GPATCH8: variants seen among roughly 807,000 people sequenced by gnomAD.
The protein encoded by GPATCH8 is G patch domain-containing protein 8.
In GPATCH8, 18 loss-of-function variants were observed where a neutral mutation model predicts 118.3. That is an observed-to-expected ratio of 0.15 (90% confidence interval 0.11 to 0.23). The LOEUF is 0.23. GPATCH8 is among the 10% of genes least tolerant of loss of function. The pLI, the probability that GPATCH8 is intolerant of heterozygous loss-of-function variation, is 1.00. For synonymous variants in GPATCH8, 659 were observed against 684.7 expected (o/e 0.96, Z 0.59); for missense variants, 1,631 against 1,873.8 (o/e 0.87, Z 2.39).
intron 1 of GPATCH8, among the ~76,000 whole-genome samples, chr17:44,494,518 C>T (rs35225228): frequency 2.0e-5 from 3 of 152,048 alleles, no homozygotes; most frequent in Non-Finnish European, 2.9e-5. Flanking sequence ...TTTGAACCCG[C>T]GAGGCAGAGG....
chr17:44,485,226 C>G (rs969613309), intron 1 of GPATCH8, among the ~76,000 whole-genome samples: 3 of 152,120 alleles, frequency 2.0e-5, no homozygotes, highest in Non-Finnish European at 4.4e-5. Context: ...ACTTCAGCCC[C>G]CCAAGTGGCT....
intron 6 of GPATCH8, among the ~76,000 whole-genome samples, 165 bp downstream of exon 6, chr17:44,424,184 A>C (rs1209920215): frequency 6.6e-6 from 1 of 152,208 alleles, no homozygotes; most frequent in African/African-American, 2.4e-5. Flanking sequence ...TGTCTATGTC[A>C]GGATTTCTGC....
intron 5 of GPATCH8, among the ~76,000 whole-genome samples, chr17:44,433,642 G>T (rs2050396063): frequency 6.6e-6 from 1 of 152,124 alleles, no homozygotes; most frequent in South Asian, 2.1e-4. Context: ...ATGGTGTCAT[G>T]ACCACTCTTG....
At chr17:44,477,277 A>G (rs1417888407) in intron 1 of GPATCH8, among the ~76,000 whole-genome samples, 1 of 152,222 alleles carries the variant, frequency 6.6e-6, no homozygotes, top group Admixed American at 6.5e-5. Flanking sequence ...ACCTAATAAC[A>G]TGGCAACCAA....
At chr17:44,417,146 G>T (rs1040349485) in intron 6 of GPATCH8, among the ~76,000 whole-genome samples, 2 of 152,006 alleles carry the variant, frequency 1.3e-5, no homozygotes, top group Non-Finnish European at 2.9e-5. Flanking sequence ...ATTCTCCTGA[G>T]GAAAACTCTA....
In GPATCH8 at chr17:44,453,500, G is replaced by GTGTGTGTGTGTGTGTGTGTGTGTGTGT. The variant is rs1568011427; in HGVS notation, c.193+10971_193+10972insACACACACACACACACACACACACACA. Among the ~76,000 whole-genome samples the GTGTGTGTGTGTGTGTGTGTGTGTGTGT allele has an allele frequency of 4.1e-4, 58 of 142,768 alleles. 1 individual carries two copies. The highest frequency in any genetic ancestry group is 2.5e-3 in the East Asian group (12 of 4,818). The allele number at this position is 142,768 out of a possible 152,430, so 93.7% of individuals were successfully genotyped here. A position where few individuals can be genotyped will look rare whatever the true frequency, so the allele number is the denominator to read the frequency against. ...AGTTGTAGGTAGGTAGGTAGGTAGG[G>GTGTGTGTGTGTGTGTGTGTGTGTGTGT]GTGTGTGTGTGTGTGTGTGTGTGTG... On this transcript the variant is annotated intron_variant, in intron 3 of 7. Transcript: ENST00000591680.
Position 44,399,779 on chromosome 17 carries a change from A to G in GPATCH8, c.2298T>C (p.Ser766=). Residue 766 remains serine (S), a synonymous_variant, in exon 8 of 8, where the codon AGT becomes AGC. Coordinates refer to ENST00000591680, the MANE Select transcript of GPATCH8 (RefSeq NM_001002909.4). ...CACCCCCACCTTCATCCTTTTTGCCACTGCTCCCCTCTTCAGCTGGGAGGG... is the reference window on the plus strand; with the variant it reads ...CACCCCCACCTTCATCCTTTTTGCCGCTGCTCCCCTCTTCAGCTGGGAGGG... ...RRSLPAEEGS[S]GKKDEGGGGS... 1 of 1,613,122 alleles carries G rather than the reference A, an allele frequency of 6.2e-7. No individual in the cohort carries two copies. Among genetic ancestry groups the G allele is most frequent in the Non-Finnish European group, 8.5e-7 (1 of 1,179,728 alleles).
intron 3 of GPATCH8, among the ~76,000 whole-genome samples, chr17:44,443,647 A>C (rs1478719296): frequency 6.6e-6 from 1 of 152,150 alleles, no homozygotes; most frequent in Non-Finnish European, 1.5e-5. Context: ...CCTATACAAC[A>C]ACCAAATTAA....
intron 5 of GPATCH8, among the ~76,000 whole-genome samples, chr17:44,432,047 GTTT>G (rs762963401): frequency 7.4e-6 from 1 of 136,044 alleles, no homozygotes; most frequent in African/African-American, 2.7e-5. Context: ...ATCAGAGTGG[GTTT>G]TTTTTTTTTT....
intron 3 of GPATCH8, among the ~76,000 whole-genome samples, chr17:44,459,311 GTACTA>G (rs1435777305): frequency 6.6e-6 from 1 of 152,140 alleles, no homozygotes; most frequent in Non-Finnish European, 1.5e-5. Flanking sequence ...AAAGAACTAT[GTACTA>G]TACAATAGGT....
chr17:44,424,268 T>G, intron 6 of GPATCH8, 81 bp downstream of exon 6: 1 of 957,168 alleles, frequency 1.0e-6, no homozygotes, highest in Non-Finnish European at 1.7e-6. Flanking sequence ...GACACCAAGT[T>G]TTGGGGGGTA....
At chr17:44,471,168 T>C (rs1159877842) in intron 2 of GPATCH8, among the ~76,000 whole-genome samples, 2 of 152,216 alleles carry the variant, frequency 1.3e-5, no homozygotes, top group Non-Finnish European at 1.5e-5. Context: ...ATCTGGTTGG[T>C]TGAAGCAAAT....
In GPATCH8 at chr17:44,396,068, C is replaced by G; in HGVS notation, c.*1500G>C. The G allele has an allele frequency of 2.2e-6, 1 of 454,526 alleles. No individual in the cohort carries two copies. Among genetic ancestry groups the G allele is most frequent in the Non-Finnish European group, 4.4e-6 (1 of 226,792 alleles). 28.2% of individuals were successfully genotyped at this position (454,526 alleles called of 1,614,324 possible). On this transcript the variant is annotated 3_prime_UTR_variant, in exon 8 of 8. Transcript: ENST00000591680. ...GCAAAATATCTGTAAATGTGCTCAC[C>G]TCCCAACAAAAGGAAGACTGTCCCA...
intron 1 of GPATCH8, among the ~76,000 whole-genome samples, chr17:44,476,286 C>T (rs1427739505): frequency 6.6e-6 from 1 of 152,056 alleles, no homozygotes; most frequent in Non-Finnish European, 1.5e-5. Flanking sequence ...CTCACCGCAA[C>T]CTCTGCCTCC....
At chr17:44,475,250 T>C (rs1456061460) in intron 1 of GPATCH8, among the ~76,000 whole-genome samples, 2 of 151,728 alleles carry the variant, frequency 1.3e-5, no homozygotes. Context: ...TGTGGTGGTG[T>C]GCACCTGTAG....
chr17:44,474,406 T>C, intron 2 of GPATCH8: 1 of 267,040 alleles, frequency 3.7e-6, no homozygotes, highest in East Asian at 1.0e-4. Flanking sequence ...TTAAATGTTT[T>C]TAATATAACA....
intron 6 of GPATCH8, among the ~76,000 whole-genome samples, chr17:44,408,424 T>A (rs2049312499): frequency 6.6e-6 from 1 of 152,128 alleles, no homozygotes; most frequent in Non-Finnish European, 1.5e-5. Flanking sequence ...TGACCTCAGG[T>A]GATCCGCCCG....
chr17:44,408,191 C>T (rs1407151505), intron 6 of GPATCH8, among the ~76,000 whole-genome samples: 2 of 147,120 alleles, frequency 1.4e-5, no homozygotes, highest in Non-Finnish European at 3.0e-5. Context: ...GCCATTTTCT[C>T]TTTTTTTTTT....
chr17:44,444,810 T>C (rs114643055), intron 3 of GPATCH8, among the ~76,000 whole-genome samples: 1,864 of 152,248 alleles, frequency 0.012, 33 homozygotes, highest in African/African-American at 0.037. Context: ...TTTTGTGCCC[T>C]GAGTTTTACT....
Sources: allele counts gnomAD v4.1 joint callset (sites outside exome capture counted in the v4.1 genomes callset), GRCh38; gene constraint gnomAD v4.1.1; transcripts MANE v1.5; gene names NCBI Gene and HGNC (gene_info 2026-07-23, HGNC 2026-07-21).